PCDHA7: variants seen among roughly 807,000 people sequenced by gnomAD.
PCDHA7 encodes the protein protocadherin alpha-7.
PCDHA7 carries 37 observed loss-of-function variants against 57.2 expected under a neutral mutation model. The ratio of observed to expected loss-of-function variants is 0.65; its 90% CI spans 0.50 to 0.85. The LOEUF is 0.85. Among genes scored for constraint, PCDHA7 ranks in the 40% least tolerant of loss-of-function variants. PCDHA7 has a pLI of 0.00. For missense variants in PCDHA7, 1,188 were observed against 1,241.8 expected, an observed-to-expected ratio of 0.96 and a Z score of 0.65; for synonymous variants, 553 against 558.8, an observed-to-expected ratio of 0.99 and a Z score of 0.15.
chr5:140,836,306 C>A lies in PCDHA7; in HGVS notation c.1923C>A (p.Asp641Glu). 6.2e-7 allele frequency: 1 copy of A among 1,613,706 alleles called. No homozygotes were observed. Among genetic ancestry groups the A allele is most frequent in the Non-Finnish European group, 8.5e-7 (1 of 1,179,808 alleles). Residue 641 changes from aspartate to glutamate, a missense_variant, in exon 1 of 4, where the codon GAC becomes GAA. Transcript: ENST00000525929. ...ISTTRALDET[D>E]APRHRLLVLV... ...CGACACGAGCCCTAGATGAGACGGACGCACCGCGCCACCGCCTTCTGGTGC... is the reference window on the plus strand; with the variant it reads ...CGACACGAGCCCTAGATGAGACGGAAGCACCGCGCCACCGCCTTCTGGTGC...
intron 1 of PCDHA7, chr5:140,884,703 A>C: frequency 1.3e-6 from 2 of 1,495,534 alleles, no homozygotes; most frequent in Non-Finnish European, 1.8e-6. Flanking sequence ...TAAACACTTT[A>C]GCCTTCCTTG....
rs144848413 is a variant in PCDHA7 at position 140,843,473 on chromosome 5, T to C, written c.2355+6735T>C. 4.9e-4 allele frequency: 775 copies of C among 1,595,974 alleles called. 42 individuals carry two copies. The African/African-American group carries it at 8.9e-3, about 18-fold the overall frequency. On this transcript the variant is annotated intron_variant, in intron 1 of 3. Coordinates refer to ENST00000525929, the MANE Select transcript of PCDHA7 (RefSeq NM_018910.3). ...CCTGCTGGTGCTCACGCTGCTGCTG[T>C]ACACTGCGCTGCGGTGCTCAGCACT...
rs1214081504 is a variant in PCDHA7, at chr5:140,848,716, T to C, written c.2355+11978T>C. On this transcript the variant is annotated intron_variant, in intron 1 of 3. Coordinates refer to ENST00000525929, the MANE Select transcript of PCDHA7 (RefSeq NM_018910.3). Reference sequence around the variant, plus strand: ...TTGGATTCCAAAGGCCGCGGGGACCTTCTGGAGGTAAATCTGCAGAATGGC... The same window carrying C: ...TTGGATTCCAAAGGCCGCGGGGACCCTCTGGAGGTAAATCTGCAGAATGGC... 1 of 1,592,460 alleles carries C rather than the reference T, an allele frequency of 6.3e-7. No homozygotes were observed.
At chr5:140,950,746 T>C (rs2094515579) in intron 1 of PCDHA7, among the ~76,000 whole-genome samples, 1 of 152,138 alleles carries the variant, frequency 6.6e-6, no homozygotes, top group Non-Finnish European at 1.5e-5. Context: ...AATTTCTCTC[T>C]ATCCTTTCTG....
Position 140,848,175 on chromosome 5 carries a change from A to C in PCDHA7, c.2355+11437A>C, listed in dbSNP as rs1003138626. The C allele has an allele frequency of 1.1e-4, 28 of 264,776 alleles. 3 individuals are homozygous for C. The highest frequency in any genetic ancestry group is 1.8e-4 in the Non-Finnish European group (25 of 138,828). 16.4% of individuals were successfully genotyped at this position (264,776 alleles called of 1,614,324 possible). On this transcript the variant is annotated intron_variant, in intron 1 of 3. Transcript: ENST00000525929. ...AGTCTGCTAAGAAGGCTCCAGCAAG[A>C]GAAACGGGATCTTCTGTTTCAACAA...
At chr5:140,853,186 T>A (rs1319210557) in intron 1 of PCDHA7, 2 of 978,922 alleles carry the variant, frequency 2.0e-6, no homozygotes, top group African/African-American at 3.5e-5. Flanking sequence ...GCCTAAAATG[T>A]GTTCTTTATT....
intron 1 of PCDHA7, among the ~76,000 whole-genome samples, chr5:140,898,580 T>G (rs541428438): frequency 2.9e-4 from 44 of 152,370 alleles, no homozygotes; most frequent in African/African-American, 1.0e-3. Flanking sequence ...CCATGCTGTT[T>G]TGGTTACTGT....
chr5:140,967,628 T>C (rs1341456967), intron 1 of PCDHA7: 3 of 1,613,984 alleles, frequency 1.9e-6, no homozygotes, highest in Non-Finnish European at 2.5e-6. Context: ...GGATGAGGGC[T>C]CCAATGGTGA....
In PCDHA7 at chr5:140,968,189, T is replaced by G. The variant is rs181004208; in HGVS notation, c.2356-10760T>G. The G allele has an allele frequency of 2.2e-5, 35 of 1,614,034 alleles. No individual in the cohort carries two copies. The Admixed American group carries it at 4.2e-4, about 19-fold the overall frequency. On this transcript the variant is annotated intron_variant, in intron 1 of 3. Coordinates refer to ENST00000525929, the MANE Select transcript of PCDHA7 (RefSeq NM_018910.3). ...ACCAAGCTTCCTGGAGGACTCCTAT[T>G]CCATCTACATACAGGAGAACAATTT... is the stretch of plus-strand genomic sequence containing the variant.
At chr5:140,845,150 G>A (rs1193499376) in intron 1 of PCDHA7, among the ~76,000 whole-genome samples, 2 of 149,470 alleles carry the variant, frequency 1.3e-5, no homozygotes, top group African/African-American at 4.9e-5. Context: ...AACACATTGT[G>A]TAAAAGCGAA....
chr5:140,993,462 TCACACACACACACACACACACACA>T (rs3836747), intron 3 of PCDHA7, among the ~76,000 whole-genome samples: 3 of 140,938 alleles, frequency 2.1e-5, no homozygotes, highest in African/African-American at 5.3e-5. Flanking sequence ...TCTTTCTTTC[TCACACACACACACACACACACACA>T]CACACACACA....
chr5:140,866,332 C>T (rs907104560), intron 1 of PCDHA7: 2 of 152,020 alleles, frequency 1.3e-5, no homozygotes, highest in Non-Finnish European at 2.9e-5. Flanking sequence ...CTGAACTTGG[C>T]CAAAGGATTC....
In PCDHA7 at chr5:140,929,637, G is replaced by A. The variant is rs373869618; in HGVS notation, c.2356-49312G>A. ...CCAAAATATTTTATAAGCAACAGATGTGTAAGGCACTCTAATATTTAAAGT... is the reference window on the plus strand; with the variant it reads ...CCAAAATATTTTATAAGCAACAGATATGTAAGGCACTCTAATATTTAAAGT... On this transcript the variant is annotated intron_variant, in intron 1 of 3. Coordinates refer to ENST00000525929, the MANE Select transcript of PCDHA7 (RefSeq NM_018910.3). The A allele has an allele frequency of 1.4e-4, 52 of 378,290 alleles. No homozygotes were observed. The South Asian group carries it at 3.2e-3, about 23-fold the overall frequency. The allele number at this position is 378,290 out of a possible 1,614,324, so 23.4% of individuals were successfully genotyped here. A position where few individuals can be genotyped will look rare whatever the true frequency, so the allele number is the denominator to read the frequency against.
At chr5:140,981,683 T>A (rs1484532280) in intron 2 of PCDHA7, among the ~76,000 whole-genome samples, 5 of 152,034 alleles carry the variant, frequency 3.3e-5, no homozygotes, top group Non-Finnish European at 5.9e-5. Flanking sequence ...CCTTCCTCCC[T>A]TCCATCATTC....
chr5:140,898,999 A>G (rs2067088188), intron 1 of PCDHA7, among the ~76,000 whole-genome samples: 2 of 151,690 alleles, frequency 1.3e-5, no homozygotes, highest in African/African-American at 4.8e-5. Context: ...TTTGTCTGTT[A>G]TTGGTGTATA....
chr5:140,954,016 A>G (rs246027), intron 1 of PCDHA7, among the ~76,000 whole-genome samples: 85,628 of 151,968 alleles, frequency 0.56, 24,747 homozygotes, highest in African/African-American at 0.69. Context: ...GCTCCCACAC[A>G]TAGTGGGACG....
At chr5:140,868,066 G>A (rs2050262102) in intron 1 of PCDHA7, 1 of 151,806 alleles carries the variant, frequency 6.6e-6, no homozygotes. Context: ...AGATGTTCAG[G>A]GTGATTTTAT....
rs782007386 is a variant in PCDHA7 at position 140,856,148 on chromosome 5, G to A, written c.2355+19410G>A. 6.9e-6 allele frequency: 11 copies of A among 1,598,220 alleles called. No homozygotes were observed. In the East Asian group the frequency reaches 2.0e-4, roughly 29 times the overall value. ...GGGGAGCGGCCAGCTCCACTACTCA[G>A]TCTACGAGGAGGCCAGACACGGCAC... On this transcript the variant is annotated intron_variant, in intron 1 of 3. Transcript: ENST00000525929.
intron 1 of PCDHA7, among the ~76,000 whole-genome samples, chr5:140,957,571 G>C (rs2095367794): frequency 6.6e-6 from 1 of 152,186 alleles, no homozygotes; most frequent in South Asian, 2.1e-4. Context: ...AGGGACTACT[G>C]TACTTTTAAC....
Sources: allele counts gnomAD v4.1 joint callset (sites outside exome capture counted in the v4.1 genomes callset), GRCh38; gene constraint gnomAD v4.1.1; transcripts MANE v1.5; gene names NCBI Gene and HGNC (gene_info 2026-07-23, HGNC 2026-07-21).